The following PPP1R12A variants were observed in gnomAD, a reference collection of about 807,000 sequenced individuals.
PPP1R12A encodes the protein protein phosphatase 1 regulatory subunit 12A, also known as myosin binding subunit.
A neutral mutation model predicts 139.6 loss-of-function variants in PPP1R12A; 19 were observed. The ratio of observed to expected loss-of-function variants is 0.14; its 90% CI spans 0.09 to 0.20. The LOEUF is 0.20. Ranked by LOEUF, PPP1R12A falls within the 10% of genes least tolerant of loss-of-function variation. The pLI, the probability that PPP1R12A is intolerant of heterozygous loss-of-function variation, is 1.00. For missense variants in PPP1R12A, 925 were observed against 1,211.5 expected (o/e 0.76, Z 3.51); for synonymous variants, 427 against 420.6 (o/e 1.02, Z -0.19).
chr12:79,794,214 G>T (rs1385024276), intron 18 of PPP1R12A, among the ~76,000 whole-genome samples: 1 of 151,880 alleles, frequency 6.6e-6, no homozygotes, highest in African/African-American at 2.4e-5. Flanking sequence ...AAGAAAAATA[G>T]AAAACTATTT....
At chr12:79,923,914 G>A (rs1887635094) in intron 1 of PPP1R12A, among the ~76,000 whole-genome samples, 1 of 151,944 alleles carries the variant, frequency 6.6e-6, no homozygotes, top group East Asian at 1.9e-4. Context: ...CGTGGTGGTG[G>A]ACGCCTGTAA....
intron 1 of PPP1R12A, among the ~76,000 whole-genome samples, chr12:79,879,589 C>T (rs1376217161): frequency 1.3e-5 from 2 of 151,972 alleles, no homozygotes; most frequent in Non-Finnish European, 2.9e-5. Flanking sequence ...CTATCTTCAA[C>T]AACATGAATG....
At chr12:79,914,201 T>C (rs1001197626) in intron 1 of PPP1R12A, among the ~76,000 whole-genome samples, 1 of 151,606 alleles carries the variant, frequency 6.6e-6, no homozygotes, top group African/African-American at 2.4e-5. Flanking sequence ...GTTCCTCAAT[T>C]TTTTTTTAGC....
intron 2 of PPP1R12A, among the ~76,000 whole-genome samples, chr12:79,865,110 C>T (rs988167142): frequency 8.5e-5 from 13 of 152,154 alleles, no homozygotes; most frequent in African/African-American, 3.1e-4. Context: ...CGTCAAAAAG[C>T]TTATCCACCA....
intron 2 of PPP1R12A, among the ~76,000 whole-genome samples, chr12:79,864,539 T>C (rs1881742800): frequency 6.6e-6 from 1 of 150,832 alleles, no homozygotes; most frequent in Admixed American, 6.6e-5. Flanking sequence ...TTCAAAAAAA[T>C]CAATGGCTTT....
chr12:79,897,964 T>C (rs992648475), intron 1 of PPP1R12A, among the ~76,000 whole-genome samples: 1 of 152,248 alleles, frequency 6.6e-6, no homozygotes, highest in Non-Finnish European at 1.5e-5. Context: ...TAGGAGAATT[T>C]AGAAACTATG....
chr12:79,835,791 C>T (rs891986833), intron 3 of PPP1R12A, among the ~76,000 whole-genome samples: 2 of 152,164 alleles, frequency 1.3e-5, no homozygotes, highest in Non-Finnish European at 2.9e-5. Flanking sequence ...TCTCCCTTAC[C>T]ATCATCTAGT....
At chr12:79,783,135 T>C (rs958006436) in intron 22 of PPP1R12A, among the ~76,000 whole-genome samples, 19 of 151,810 alleles carry the variant, frequency 1.3e-4, no homozygotes, top group African/African-American at 1.9e-4. Flanking sequence ...AATATTCCAA[T>C]TGGTTCTTGT....
intron 4 of PPP1R12A, among the ~76,000 whole-genome samples, chr12:79,831,600 A>G (rs925244230): frequency 6.6e-6 from 1 of 152,182 alleles, no homozygotes; most frequent in Non-Finnish European, 1.5e-5. Context: ...TTGATATTAG[A>G]AGCTCAAGTG....
In PPP1R12A at chr12:79,832,518, A is replaced by G. The variant is rs771696612; in HGVS notation, c.488-27T>C. 6 of 1,548,684 alleles carry G rather than the reference A, an allele frequency of 3.9e-6. No individual in the cohort carries two copies. In the East Asian group the frequency reaches 1.4e-4, roughly 36 times the overall value. ...TGATAAAATAAAAATAGTTCTTTTT[A>G]TTTTTGCTTAAAAATTGTTCCATGT... On this transcript the variant is annotated intron_variant, in intron 3 of 24. Transcript: ENST00000450142.
intron 1 of PPP1R12A, among the ~76,000 whole-genome samples, chr12:79,910,106 T>A (rs1012152034): frequency 1.1e-4 from 16 of 152,158 alleles, no homozygotes; most frequent in Non-Finnish European, 2.1e-4. Flanking sequence ...GTTTACTGGA[T>A]GAGAAAAGAG....
intron 1 of PPP1R12A, among the ~76,000 whole-genome samples, chr12:79,909,262 C>T (rs570560265): frequency 2.0e-5 from 3 of 152,148 alleles, no homozygotes; most frequent in Admixed American, 6.5e-5. Context: ...ATAATGTAAC[C>T]GCCTAAGGCA....
At chr12:79,912,104 C>T (rs1019455014) in intron 1 of PPP1R12A, among the ~76,000 whole-genome samples, 1 of 152,150 alleles carries the variant, frequency 6.6e-6, no homozygotes, top group African/African-American at 2.4e-5. Context: ...TGACCAGAAC[C>T]TATTTCTCCA....
chr12:79,806,381 CTA>C, intron 12 of PPP1R12A, 48 bp from the exon 13 acceptor site: 1 of 1,524,942 alleles, frequency 6.6e-7, no homozygotes, highest in South Asian at 1.2e-5. Flanking sequence ...TATGTGTATT[CTA>C]TAGTTAATGT....
Position 79,798,600 on chromosome 12 carries a change from G to A in PPP1R12A, c.2001-16C>T. 6.9e-7 allele frequency: 1 copy of A among 1,444,032 alleles called. No individual in the cohort carries two copies. Among genetic ancestry groups the A allele is most frequent in the Non-Finnish European group, 9.4e-7 (1 of 1,059,406 alleles). The allele number at this position is 1,444,032 out of a possible 1,614,324, so 89.5% of individuals were successfully genotyped here. ...GAGGTATGATCTACAGTAGTAAATT[G>A]AAAAATCGTTAGTTGTAAATACAAT... On this transcript the variant is annotated splice_polypyrimidine_tract_variant and intron_variant, in intron 14 of 24. Transcript: ENST00000450142.
Position 79,919,760 on chromosome 12 carries a change from T to A in PPP1R12A, c.237+14935A>T, listed in dbSNP as rs115841287. ...GCTGTTCTGTTCACCATCATAATTA[T>A]AGTGACTAATACCAAGCCTAGGCTG... On this transcript the variant is annotated intron_variant, in intron 1 of 24. Transcript: ENST00000450142. 5.0e-3 allele frequency among the ~76,000 whole-genome samples: 767 copies of A among 152,288 alleles called. 4 individuals are homozygous for A. The highest frequency in any genetic ancestry group is 0.017 in the African/African-American group (727 of 41,554).
intron 2 of PPP1R12A, among the ~76,000 whole-genome samples, chr12:79,858,656 G>T (rs969556573): frequency 6.6e-6 from 1 of 152,116 alleles, no homozygotes; most frequent in African/African-American, 2.4e-5. Flanking sequence ...TGAAATTCCT[G>T]AAATTTCTGT....
intron 1 of PPP1R12A, among the ~76,000 whole-genome samples, chr12:79,932,207 G>T (rs1161693011): frequency 6.6e-6 from 1 of 152,176 alleles, no homozygotes; most frequent in African/African-American, 2.4e-5. Flanking sequence ...TTAAATCAGT[G>T]ATTTTAGTTT....
chr12:79,809,702 T>A, intron 10 of PPP1R12A, 93 bp downstream of exon 10: 2 of 958,286 alleles, frequency 2.1e-6, no homozygotes, highest in Non-Finnish European at 3.1e-6. Context: ...TACCTAGATC[T>A]AAAGATAACT....
Sources: allele counts gnomAD v4.1 joint callset (sites outside exome capture counted in the v4.1 genomes callset), GRCh38; gene constraint gnomAD v4.1.1; transcripts MANE v1.5; gene names NCBI Gene and HGNC (gene_info 2026-07-23, HGNC 2026-07-21).